Variants in MICAL3 observed in about 807,000 individuals in gnomAD.
The protein encoded by MICAL3 is microtubule associated monooxygenase, calponin and LIM domain containing 3, also known as [F-actin]-monooxygenase MICAL3.
In MICAL3, 62 loss-of-function variants were observed where a neutral mutation model predicts 207.4. The observed-to-expected ratio is 0.30, with a 90% CI of 0.24 to 0.37. The LOEUF (loss-of-function observed/expected upper bound fraction) is 0.37. Among genes scored for constraint, MICAL3 ranks in the 10% least tolerant of loss-of-function variants. The pLI, the probability that MICAL3 is intolerant of heterozygous loss-of-function variation, is 1.00. For missense variants in MICAL3, 2,368 were observed against 2,635.6 expected (o/e 0.90, Z 2.22); for synonymous variants, 1,077 against 1,069.3 (o/e 1.01, Z -0.14).
At chr22:18,000,931 C>G (rs890128635) in intron 1 of MICAL3, among the ~76,000 whole-genome samples, 4 of 152,126 alleles carry the variant, frequency 2.6e-5, no homozygotes, top group African/African-American at 9.7e-5. Context: ...CCTGCGGACT[C>G]CGGTAAAGAC....
intron 16 of MICAL3, among the ~76,000 whole-genome samples, chr22:17,873,029 GA>G (rs1246262926): frequency 2.0e-5 from 3 of 152,368 alleles, no homozygotes; most frequent in African/African-American, 7.2e-5. Flanking sequence ...CCGGGTGGAA[GA>G]AAAACATCGC....
At chr22:17,962,113 G>C (rs1341265667) in intron 1 of MICAL3, among the ~76,000 whole-genome samples, 1 of 152,194 alleles carries the variant, frequency 6.6e-6, no homozygotes, top group Non-Finnish European at 1.5e-5. Flanking sequence ...TGTCAATCGA[G>C]TGCTTGCTGA....
intron 29 of MICAL3, among the ~76,000 whole-genome samples, chr22:17,792,550 C>A (rs1185990447): frequency 2.0e-5 from 3 of 152,256 alleles, no homozygotes; most frequent in Non-Finnish European, 4.4e-5. Flanking sequence ...TCCTCCCTCA[C>A]TGCTAGCTGC....
At chr22:18,021,559 A>G (rs905436957) in intron 1 of MICAL3, among the ~76,000 whole-genome samples, 3 of 152,236 alleles carry the variant, frequency 2.0e-5, no homozygotes, top group Admixed American at 6.5e-5. Flanking sequence ...ATGCATGGCT[A>G]TGCACAGACT....
intron 29 of MICAL3, among the ~76,000 whole-genome samples, chr22:17,797,230 G>A (rs1449941240): frequency 1.3e-5 from 2 of 152,156 alleles, no homozygotes; most frequent in South Asian, 2.1e-4. Flanking sequence ...TCGGAGGTAC[G>A]GGGGCTCACA....
intron 1 of MICAL3, among the ~76,000 whole-genome samples, chr22:17,938,119 C>T (rs1323638499): frequency 1.3e-5 from 2 of 152,184 alleles, no homozygotes; most frequent in African/African-American, 4.8e-5. Flanking sequence ...TTCACTTCAT[C>T]TTCACAACAA....
At chr22:17,973,266 G>C (rs911263921) in intron 1 of MICAL3, among the ~76,000 whole-genome samples, 1 of 152,174 alleles carries the variant, frequency 6.6e-6, no homozygotes, top group African/African-American at 2.4e-5. Context: ...AAACAAAGGT[G>C]GGGGGAGCCT....
chr22:17,880,272 C>T (rs554542496), intron 16 of MICAL3, among the ~76,000 whole-genome samples: 3 of 152,346 alleles, frequency 2.0e-5, no homozygotes, highest in East Asian at 1.9e-4. Context: ...CTTCAGTCTC[C>T]TCCCTGGTAA....
intron 1 of MICAL3, among the ~76,000 whole-genome samples, chr22:17,984,414 TAA>T (rs1487997568): frequency 1.3e-5 from 2 of 152,182 alleles, no homozygotes; most frequent in Non-Finnish European, 2.9e-5. Context: ...CTCGGAGAGA[TAA>T]AGACACTGGT....
intron 1 of MICAL3, among the ~76,000 whole-genome samples, chr22:18,011,239 C>A (rs1923698808): frequency 6.6e-6 from 1 of 152,200 alleles, no homozygotes; most frequent in Admixed American, 6.5e-5. Context: ...GCCAGATGTT[C>A]CCAGCCTTAT....
chr22:17,881,081 C>T (rs751374733), intron 16 of MICAL3: 274 of 859,416 alleles, frequency 3.2e-4, no homozygotes, highest in Non-Finnish European at 4.8e-4. Context: ...GGTTTCTACG[C>T]ATAGCCTTTC....
At chr22:18,015,839 T>A (rs1377379425) in intron 1 of MICAL3, among the ~76,000 whole-genome samples, 1 of 152,214 alleles carries the variant, frequency 6.6e-6, no homozygotes, top group East Asian at 1.9e-4. Flanking sequence ...GCCTCTTGAT[T>A]TAGGCTTTGG....
intron 19 of MICAL3, among the ~76,000 whole-genome samples, chr22:17,854,340 G>C (rs1925672369): frequency 1.3e-5 from 2 of 152,154 alleles, no homozygotes; most frequent in African/African-American, 4.8e-5. Flanking sequence ...ACAGTGCTGG[G>C]CTGGAGAAGC....
rs115978401 is a variant in MICAL3, at chr22:17,999,802, T to C, written c.-75+24479A>G. ...TTACAGGAGGAACACACAAACCATG[T>C]CTTTCCTATAATTATGAAATTAACT... On this transcript the variant is annotated intron_variant, in intron 1 of 31. Coordinates refer to ENST00000441493, the MANE Select transcript of MICAL3 (RefSeq NM_015241.3). Among the ~76,000 whole-genome samples, 437 of 152,362 alleles carry C rather than the reference T, an allele frequency of 2.9e-3. 1 individual carries two copies. The highest frequency in any genetic ancestry group is 0.01 in the African/African-American group (417 of 41,584).
chr22:17,975,716 C>T (rs1935601027), intron 1 of MICAL3, among the ~76,000 whole-genome samples: 1 of 152,090 alleles, frequency 6.6e-6, no homozygotes, highest in African/African-American at 2.4e-5. Flanking sequence ...CAGCACTGTC[C>T]CAAGAGTGAG....
intron 1 of MICAL3, among the ~76,000 whole-genome samples, chr22:18,001,950 C>G (rs925879467): frequency 6.6e-6 from 1 of 152,120 alleles, no homozygotes. Flanking sequence ...GTAATCCCAA[C>G]ACTTTGGGGA....
intron 1 of MICAL3, among the ~76,000 whole-genome samples, chr22:18,007,839 C>T (rs1485762774): frequency 4.4e-5 from 6 of 136,786 alleles, no homozygotes; most frequent in East Asian, 2.3e-4. Flanking sequence ...AGGAGAATGG[C>T]GTGAACCCGG....
In MICAL3 at chr22:17,895,298, G is replaced by A. The variant is rs773394014; in HGVS notation, c.1435C>T (p.Leu479Phe). The A allele has an allele frequency of 6.2e-7, 1 of 1,613,698 alleles. No individual in the cohort carries two copies. The highest frequency in any genetic ancestry group is 8.5e-7 in the Non-Finnish European group (1 of 1,179,776). The change falls in exon 10 of 32, where the codon CTC becomes TTC. Residue 479 changes from leucine to phenylalanine, a missense_variant. By Grantham distance (22) the Leu-to-Phe change is conservative. Transcript: ENST00000441493. ...TRYPNINVNF[L>F]RPSQVRHLYD... is the part of the protein sequence containing the mutation. ...GAAGGTCTTACCTGGCTTGGCCGGA[G>A]GAAGTTGACGTTGATATTGGGATAC...
At chr22:17,967,555 G>A (rs1374777235) in intron 1 of MICAL3, among the ~76,000 whole-genome samples, 1 of 151,926 alleles carries the variant, frequency 6.6e-6, no homozygotes, top group Non-Finnish European at 1.5e-5. Flanking sequence ...CAGAAGAGAG[G>A]TAAAGGTTAA....
Sources: gnomAD v4.1 joint callset for allele counts (sites outside exome capture counted in the v4.1 genomes callset) on GRCh38, gnomAD v4.1.1 for gene constraint, MANE v1.5 for transcripts, NCBI Gene and HGNC (gene_info 2026-07-23, HGNC 2026-07-21) for gene names.